PAPPA: variants seen among roughly 807,000 people sequenced by gnomAD.
PAPPA encodes pappalysin 1.
A neutral mutation model predicts 164.0 loss-of-function variants in PAPPA; 60 were observed. The ratio of observed to expected loss-of-function variants is 0.37; its 90% confidence interval spans 0.30 to 0.45. PAPPA has a LOEUF of 0.45. PAPPA is among the 20% of genes least tolerant of loss of function. The pLI is 1.00. For missense variants in PAPPA, 1,782 were observed against 2,087.3 expected, an observed-to-expected ratio of 0.85 and a Z score of 2.85; for synonymous variants, 875 against 814.1, an observed-to-expected ratio of 1.07 and a Z score of -1.27.
At chr9:116,219,734 T>C (rs569363724) in intron 4 of PAPPA, among the ~76,000 whole-genome samples, 25 of 152,282 alleles carry the variant, frequency 1.6e-4, no homozygotes, top group African/African-American at 5.8e-4. Context: ...TCCCTCCTGT[T>C]TCCTCTCACC....
chr9:116,384,876 C>G (rs749357386), intron 21 of PAPPA, among the ~76,000 whole-genome samples: 6 of 152,104 alleles, frequency 3.9e-5, no homozygotes, highest in Non-Finnish European at 8.8e-5. Flanking sequence ...CATCTGACAC[C>G]AACGGTTGGA....
intron 7 of PAPPA, among the ~76,000 whole-genome samples, chr9:116,250,511 C>G (rs988203198): frequency 6.6e-6 from 1 of 152,172 alleles, no homozygotes; most frequent in African/African-American, 2.4e-5. Context: ...CAATGAGAAA[C>G]TTGGAGTAAG....
intron 2 of PAPPA, among the ~76,000 whole-genome samples, chr9:116,188,475 G>A (rs562972126): frequency 6.6e-6 from 1 of 152,312 alleles, no homozygotes; most frequent in South Asian, 2.1e-4. Flanking sequence ...AGAGCCCAGA[G>A]TTCAAATTGA....
intron 9 of PAPPA, among the ~76,000 whole-genome samples, chr9:116,281,359 C>G (rs2118843786): frequency 6.6e-6 from 1 of 152,214 alleles, no homozygotes; most frequent in Non-Finnish European, 1.5e-5. Flanking sequence ...TGAGCCTATA[C>G]CAGCATAGCT....
chr9:116,163,533 G>T (rs1843691589), intron 1 of PAPPA, among the ~76,000 whole-genome samples: 1 of 152,172 alleles, frequency 6.6e-6, no homozygotes, highest in Non-Finnish European at 1.5e-5. Context: ...GAACTTTGTG[G>T]TACTGTAGGG....
intron 7 of PAPPA, among the ~76,000 whole-genome samples, chr9:116,237,701 G>A (rs956545787): frequency 6.6e-6 from 1 of 151,764 alleles, no homozygotes; most frequent in Non-Finnish European, 1.5e-5. Flanking sequence ...GGTTGCACTG[G>A]ATTAATTCTT....
chr9:116,188,018 A>C lies in PAPPA; in HGVS notation c.1280A>C (p.Glu427Ala). 1 of 1,614,166 alleles carries C rather than the reference A, an allele frequency of 6.2e-7. No homozygotes were observed. Reference protein sequence around the residue: ...SKIGDENCDPECNHTLTGHDG... With the variant: ...SKIGDENCDPACNHTLTGHDG... ...ATTGGGGATGAGAACTGTGACCCCG[A>C]GTGCAACCACACGCTGACGGGCCAC... The change falls in exon 2 of 22, where the codon GAG becomes GCG. Residue 427 changes from glutamate (E) to alanine (A), a missense_variant. Transcript: ENST00000328252.
intron 2 of PAPPA, among the ~76,000 whole-genome samples, chr9:116,199,096 G>A (rs555081101): frequency 6.6e-6 from 1 of 152,252 alleles, no homozygotes; most frequent in East Asian, 1.9e-4. Context: ...AAAAGTCTAA[G>A]AACCTTGCCA....
chr9:116,263,190 G>T (rs1161873407), intron 7 of PAPPA, among the ~76,000 whole-genome samples: 1 of 152,132 alleles, frequency 6.6e-6, no homozygotes, highest in Non-Finnish European at 1.5e-5. Context: ...GGTTATTAAG[G>T]TTTCTGTACT....
At chr9:116,391,594 C>T (rs1004950596) in intron 21 of PAPPA, among the ~76,000 whole-genome samples, 17 of 152,252 alleles carry the variant, frequency 1.1e-4, no homozygotes, top group Middle Eastern at 3.2e-3. Context: ...TCCTGAGCCA[C>T]TCACACTCAC....
chr9:116,371,612 TA>T (rs1277707166), intron 19 of PAPPA, among the ~76,000 whole-genome samples: 1 of 152,168 alleles, frequency 6.6e-6, no homozygotes, highest in East Asian at 1.9e-4. Flanking sequence ...TTTTTATTTT[TA>T]TTTTTTTTTA....
intron 7 of PAPPA, among the ~76,000 whole-genome samples, chr9:116,241,317 G>A (rs1459426076): frequency 6.6e-6 from 1 of 152,134 alleles, no homozygotes; most frequent in Non-Finnish European, 1.5e-5. Context: ...AGTTGGGAGA[G>A]ATAAAAGAAG....
rs1846002746 is a variant in PAPPA, at chr9:116,332,270, T to G, written c.3262-63T>G. 2.7e-6 allele frequency: 4 copies of G among 1,488,614 alleles called. No individual in the cohort carries two copies. The African/African-American group carries it at 5.5e-5, about 21-fold the overall frequency. The allele number at this position is 1,488,614 out of a possible 1,614,324, so 92.2% of individuals were successfully genotyped here. On this transcript the variant is annotated intron_variant, in intron 11 of 21. Transcript: ENST00000328252. ...GTTTCTCCTCAAATGCACCCCAATG[T>G]GGCTGCCTCCCCACCACATGACTGA...
At chr9:116,368,267 C>T (rs1042676433) in intron 19 of PAPPA, among the ~76,000 whole-genome samples, 1 of 152,218 alleles carries the variant, frequency 6.6e-6, no homozygotes, top group South Asian at 2.1e-4. Context: ...CTAGTAACAT[C>T]GGTTGTTTGT....
intron 7 of PAPPA, among the ~76,000 whole-genome samples, chr9:116,243,767 G>A (rs1844763671): frequency 1.3e-5 from 2 of 152,044 alleles, no homozygotes; most frequent in South Asian, 4.2e-4. Flanking sequence ...GGAGGAGGAG[G>A]CTTAGGAAGT....
intron 2 of PAPPA, among the ~76,000 whole-genome samples, chr9:116,188,800 C>G (rs1459705644): frequency 6.6e-6 from 1 of 152,168 alleles, no homozygotes; most frequent in Non-Finnish European, 1.5e-5. Context: ...TCTCAGCTCT[C>G]TGTGACTTCT....
At chr9:116,229,762 G>A (rs1844566973) in intron 6 of PAPPA, among the ~76,000 whole-genome samples, 1 of 152,200 alleles carries the variant, frequency 6.6e-6, no homozygotes, top group African/African-American at 2.4e-5. Flanking sequence ...TAGAGGAAGG[G>A]AAGCAGCAAG....
chr9:116,220,157 CCTCT>C, intron 5 of PAPPA, 28 bp downstream of exon 5: 8 of 1,518,686 alleles, frequency 5.3e-6, no homozygotes, highest in Admixed American at 1.7e-5. Context: ...AGTGTTGATC[CCTCT>C]CTCTCTCTCC....
intron 17 of PAPPA, among the ~76,000 whole-genome samples, chr9:116,357,716 A>G (rs994723021): frequency 2.0e-5 from 3 of 152,180 alleles, no homozygotes; most frequent in African/African-American, 7.2e-5. Context: ...AGTTGATGAG[A>G]TAACATAGGC....
Sources: gnomAD v4.1 joint callset for allele counts (sites outside exome capture counted in the v4.1 genomes callset) on GRCh38, gnomAD v4.1.1 for gene constraint, MANE v1.5 for transcripts, NCBI Gene and HGNC (gene_info 2026-07-23, HGNC 2026-07-21) for gene names.